The following YAP1 variants were observed in gnomAD, a reference collection of about 807,000 sequenced individuals.
YAP1 encodes the protein Yes1 associated transcriptional regulator, also known as transcriptional coactivator YAP1.
In YAP1, 5 loss-of-function variants were observed where a neutral mutation model predicts 56.9. The ratio of observed to expected loss-of-function variants is 0.09; its 90% CI spans 0.05 to 0.18. The LOEUF (loss-of-function observed/expected upper bound fraction) is 0.18, where lower values mean the gene tolerates loss of function less well. Ranked by LOEUF, YAP1 falls within the 10% of genes least tolerant of loss-of-function variation. The pLI is 1.00. For missense variants in YAP1, 539 were observed against 651.8 expected (o/e 0.83, Z 1.88); for synonymous variants, 265 against 248.1 (o/e 1.07, Z -0.64).
intron 4 of YAP1, among the ~76,000 whole-genome samples, chr11:102,188,212 C>G (rs187114050): frequency 6.6e-6 from 1 of 152,304 alleles, no homozygotes; most frequent in African/African-American, 2.4e-5. Context: ...CATACAAACA[C>G]AAACAAATGG....
At chr11:102,139,362 A>G (rs1179228522) in intron 2 of YAP1, among the ~76,000 whole-genome samples, 1 of 152,162 alleles carries the variant, frequency 6.6e-6, no homozygotes, top group African/African-American at 2.4e-5. Flanking sequence ...TGAAGCTATT[A>G]TAGCAAAGTT....
intron 5 of YAP1, among the ~76,000 whole-genome samples, chr11:102,207,549 T>C (rs1949184866): frequency 6.6e-6 from 1 of 152,016 alleles, no homozygotes; most frequent in Non-Finnish European, 1.5e-5. Context: ...AAGCTCTACA[T>C]TTCTGTTACC....
chr11:102,197,341 A>G (rs1948623225), intron 4 of YAP1, among the ~76,000 whole-genome samples: 1 of 152,220 alleles, frequency 6.6e-6, no homozygotes, highest in Non-Finnish European at 1.5e-5. Context: ...GTAAATGTAT[A>G]CCCAGTAAGA....
chr11:102,162,445 T>C lies in YAP1; in HGVS notation c.573-11T>C. On this transcript the variant is annotated splice_polypyrimidine_tract_variant and intron_variant, in intron 2 of 8. Transcript: ENST00000282441. ...ATTTGTTTCCTAATGCAGTGGTTTG[T>C]TTTGTCTTAGTCACATCGATCAGAC... The C allele has an allele frequency of 6.2e-7, 1 of 1,612,974 alleles. No individual in the cohort carries two copies.
chr11:102,199,865 A>G (rs551532678), intron 4 of YAP1, among the ~76,000 whole-genome samples: 95 of 152,220 alleles, frequency 6.2e-4, no homozygotes, highest in Non-Finnish European at 1.2e-3. Flanking sequence ...CTGGCCTAGG[A>G]CAATGTTTAC....
intron 2 of YAP1, among the ~76,000 whole-genome samples, chr11:102,151,929 C>A (rs1435695676): frequency 2.0e-5 from 3 of 152,198 alleles, no homozygotes; most frequent in African/African-American, 7.2e-5. Flanking sequence ...AAGAGGAGCA[C>A]TCATCCCATA....
chr11:102,110,660 G>T lies in YAP1; in HGVS notation c.-189G>T. 2.9e-6 allele frequency: 1 copy of T among 347,318 alleles called. No homozygotes were observed. The highest frequency in any genetic ancestry group is 1.3e-4 in the South Asian group (1 of 7,674). The allele number at this position is 347,318 out of a possible 1,614,324, so 21.5% of individuals were successfully genotyped here. A position where few individuals can be genotyped will look rare whatever the true frequency, so the allele number is the denominator to read the frequency against. Reference sequence around the variant, plus strand: ...CCAGACCAGTGGAGCCGGGGCGCAGGGCGGGGGCGGAGGCGCCGGGGCGGG... The same window carrying T: ...CCAGACCAGTGGAGCCGGGGCGCAGTGCGGGGGCGGAGGCGCCGGGGCGGG... On this transcript the variant is annotated 5_prime_UTR_variant, in exon 1 of 9. Coordinates refer to ENST00000282441, the MANE Select transcript of YAP1 (RefSeq NM_001130145.3).
At chr11:102,146,164 CT>C (rs917820235) in intron 2 of YAP1, among the ~76,000 whole-genome samples, 28 of 152,210 alleles carry the variant, frequency 1.8e-4, no homozygotes, top group African/African-American at 6.3e-4. Flanking sequence ...CCTTTCTAGC[CT>C]CATCTCTCCC....
rs537701699 is a variant in YAP1 at position 102,182,071 on chromosome 11, A to G, written c.689-3947A>G. On this transcript the variant is annotated intron_variant, in intron 3 of 8. Coordinates refer to ENST00000282441, the MANE Select transcript of YAP1 (RefSeq NM_001130145.3). Reference sequence around the variant, plus strand: ...TCCTGACCTCGTGATCCCCTGCCTCAGCCTCCCAAAGTGCTGGGATTACAG... The same window carrying G: ...TCCTGACCTCGTGATCCCCTGCCTCGGCCTCCCAAAGTGCTGGGATTACAG... 3.3e-5 allele frequency among the ~76,000 whole-genome samples: 5 copies of G among 152,262 alleles called. No individual in the cohort carries two copies. In the East Asian group the frequency reaches 9.7e-4, roughly 29 times the overall value.
At chr11:102,194,693 A>C (rs938343821) in intron 4 of YAP1, among the ~76,000 whole-genome samples, 1 of 152,182 alleles carries the variant, frequency 6.6e-6, no homozygotes, top group African/African-American at 2.4e-5. Flanking sequence ...GAGGTTTTTC[A>C]AAAAGGCACA....
chr11:102,149,654 TA>T (rs1945514685), intron 2 of YAP1, among the ~76,000 whole-genome samples: 1 of 152,234 alleles, frequency 6.6e-6, no homozygotes, highest in South Asian at 2.1e-4. Context: ...GGTATGTAAA[TA>T]ACTTAATATT....
chr11:102,140,148 G>A (rs551973356), intron 2 of YAP1, among the ~76,000 whole-genome samples: 54 of 150,632 alleles, frequency 3.6e-4, no homozygotes, highest in East Asian at 2.7e-3. Flanking sequence ...GTCTGATAGT[G>A]TAAAAAAAAT....
At chr11:102,177,174 A>T (rs554041234) in intron 3 of YAP1, among the ~76,000 whole-genome samples, 1 of 152,112 alleles carries the variant, frequency 6.6e-6, no homozygotes, top group African/African-American at 2.4e-5. Flanking sequence ...ATGAGGAGGG[A>T]TGTGAAATGA....
At chr11:102,218,062 C>A (rs111982518) in intron 6 of YAP1, among the ~76,000 whole-genome samples, 110 of 152,252 alleles carry the variant, frequency 7.2e-4, no homozygotes, top group African/African-American at 2.5e-3. Flanking sequence ...CAAAACTCAT[C>A]AATTTATGCA....
chr11:102,220,223 AAAG>A (rs138974974), intron 6 of YAP1, among the ~76,000 whole-genome samples: 3,665 of 152,080 alleles, frequency 0.024, 59 homozygotes, highest in Middle Eastern at 0.079. Flanking sequence ...AGAGAAAAGA[AAAG>A]AAATGGACTT....
intron 2 of YAP1, among the ~76,000 whole-genome samples, chr11:102,156,829 G>T (rs1945979757): frequency 6.6e-6 from 1 of 152,170 alleles, no homozygotes; most frequent in African/African-American, 2.4e-5. Context: ...CTCATGGCTG[G>T]TCCATCCTCA....
At chr11:102,135,323 C>G (rs72972181) in intron 2 of YAP1, among the ~76,000 whole-genome samples, 1 of 152,136 alleles carries the variant, frequency 6.6e-6, no homozygotes, top group East Asian at 1.9e-4. Flanking sequence ...TTGTATCTTA[C>G]AAATTTGTGA....
At chr11:102,209,262 A>G (rs118066867) in intron 5 of YAP1, among the ~76,000 whole-genome samples, 1,923 of 152,284 alleles carry the variant, frequency 0.013, 14 homozygotes, top group Non-Finnish European at 0.021. Flanking sequence ...TACGTGACCA[A>G]TATCAAATTT....
chr11:102,177,116 G>C (rs1947308637), intron 3 of YAP1, among the ~76,000 whole-genome samples: 1 of 152,124 alleles, frequency 6.6e-6, no homozygotes, highest in Non-Finnish European at 1.5e-5. Flanking sequence ...AGTTGTGAAG[G>C]TCCTGGAGCT....
Sources: gnomAD v4.1 joint callset for allele counts (sites outside exome capture counted in the v4.1 genomes callset) on GRCh38, gnomAD v4.1.1 for gene constraint, MANE v1.5 for transcripts, NCBI Gene and HGNC (gene_info 2026-07-23, HGNC 2026-07-21) for gene names.